The following GALNT10 variants were observed in gnomAD, a reference collection of about 807,000 sequenced individuals.
GALNT10 encodes the protein GalNAc transferase 10.
Under a neutral mutation model 75.0 loss-of-function variants are expected in GALNT10, and 41 were observed. The observed-to-expected ratio is 0.55, with a 90% CI of 0.43 to 0.71. The LOEUF is 0.71. Among genes scored for constraint, GALNT10 ranks in the 30% least tolerant of loss-of-function variants. The pLI is 0.00. For missense variants in GALNT10, 727 were observed against 818.5 expected (o/e 0.89, Z 1.36); for synonymous variants, 302 against 313.0 (o/e 0.96, Z 0.37).
chr5:154,259,329 C>T (rs1581943447), intron 1 of GALNT10, among the ~76,000 whole-genome samples: 1 of 152,144 alleles, frequency 6.6e-6, no homozygotes, highest in East Asian at 1.9e-4. Flanking sequence ...GCAAGAATAA[C>T]ACAGAAGTGA....
chr5:154,218,202 A>G (rs1581923225), intron 1 of GALNT10: 2 of 854,832 alleles, frequency 2.3e-6, no homozygotes, highest in Middle Eastern at 5.9e-4. Context: ...TCCCCACCTC[A>G]TGGGTCCCTC....
chr5:154,368,244 A>G (rs897187925), intron 4 of GALNT10, among the ~76,000 whole-genome samples: 1 of 152,224 alleles, frequency 6.6e-6, no homozygotes, highest in Non-Finnish European at 1.5e-5. Context: ...AAAGGAATGT[A>G]CCCAGCATAG....
At chr5:154,394,656 T>C (rs1755979621) in intron 7 of GALNT10, among the ~76,000 whole-genome samples, 1 of 151,910 alleles carries the variant, frequency 6.6e-6, no homozygotes, top group Admixed American at 6.6e-5. Flanking sequence ...CTGAGAGGGG[T>C]TAAGTTGCCA....
chr5:154,373,771 G>A (rs1378549842), intron 4 of GALNT10, among the ~76,000 whole-genome samples: 1 of 152,184 alleles, frequency 6.6e-6, no homozygotes. Flanking sequence ...AAGGACAAGA[G>A]AAGCATAATT....
At chr5:154,356,054 G>A (rs898356551) in intron 4 of GALNT10, 1 of 447,806 alleles carries the variant, frequency 2.2e-6, no homozygotes, top group African/African-American at 2.0e-5. Context: ...CTCTGTTTTG[G>A]TATTTAGAAT....
chr5:154,271,332 G>C (rs641093), intron 1 of GALNT10, among the ~76,000 whole-genome samples: 9,720 of 152,118 alleles, frequency 0.064, 839 homozygotes, highest in African/African-American at 0.2. Context: ...CCAGCGTGGT[G>C]GCGGGTGCCT....
chr5:154,285,432 C>T (rs1169471250), intron 1 of GALNT10, among the ~76,000 whole-genome samples: 2 of 152,156 alleles, frequency 1.3e-5, no homozygotes, highest in Non-Finnish European at 2.9e-5. Context: ...ATGACACAGA[C>T]ACCAGGCTAG....
intron 1 of GALNT10, among the ~76,000 whole-genome samples, chr5:154,239,570 C>T (rs79016175): frequency 0.015 from 2,258 of 152,338 alleles, 54 homozygotes; most frequent in African/African-American, 0.051. Flanking sequence ...CCCCGGACCC[C>T]GGTCCCCATC....
intron 1 of GALNT10, among the ~76,000 whole-genome samples, chr5:154,271,206 C>T (rs1753860692): frequency 6.6e-6 from 1 of 151,920 alleles, no homozygotes; most frequent in Admixed American, 6.6e-5. Flanking sequence ...GAGCCAAAGC[C>T]CTGTAATCCC....
At chr5:154,341,240 A>G (rs1755028327) in intron 4 of GALNT10, among the ~76,000 whole-genome samples, 1 of 152,224 alleles carries the variant, frequency 6.6e-6, no homozygotes, top group Non-Finnish European at 1.5e-5. Flanking sequence ...TTCGCCTAAA[A>G]GACAAAAATG....
Position 154,386,371 on chromosome 5 carries a change from G to C in GALNT10, c.997G>C (p.Gly333Arg). Reference protein sequence around the residue: ...AVDRKWFWELGGYDPGLEIWG... With the variant: ...AVDRKWFWELRGYDPGLEIWG... The stretch of plus-strand genomic sequence containing the variant: ...GGATCGGAAGTGGTTCTGGGAACTC[G>C]GCGGGTATGACCCAGGCTTGGAGAT... Residue 333 changes from glycine (G) to arginine (R), a missense_variant, in exon 7 of 12, where the codon GGC (glycine) becomes CGC (arginine). Gly to Arg is a moderately radical substitution (Grantham distance 125). Transcript: ENST00000297107. 1 of 1,614,076 alleles carries C rather than the reference G, an allele frequency of 6.2e-7. No individual in the cohort carries two copies. The highest frequency in any genetic ancestry group is 8.5e-7 in the Non-Finnish European group (1 of 1,179,978).
chr5:154,343,917 T>G (rs925944608), intron 4 of GALNT10, among the ~76,000 whole-genome samples: 3 of 152,218 alleles, frequency 2.0e-5, no homozygotes, highest in Non-Finnish European at 4.4e-5. Context: ...GTTCCTTTAG[T>G]TCAGAATACT....
intron 1 of GALNT10, among the ~76,000 whole-genome samples, chr5:154,227,513 T>C (rs1479295238): frequency 1.3e-5 from 2 of 152,248 alleles, no homozygotes; most frequent in Non-Finnish European, 2.9e-5. Flanking sequence ...TGTTGGTTTC[T>C]TATTACTGAA....
intron 6 of GALNT10, among the ~76,000 whole-genome samples, chr5:154,381,897 T>C (rs1755740562): frequency 1.3e-5 from 2 of 152,242 alleles, no homozygotes; most frequent in South Asian, 2.1e-4. Context: ...ATTAATGATA[T>C]GTGATTCCAT....
chr5:154,331,896 C>T (rs1754872384), intron 4 of GALNT10, among the ~76,000 whole-genome samples: 1 of 152,164 alleles, frequency 6.6e-6, no homozygotes, highest in Non-Finnish European at 1.5e-5. Flanking sequence ...CATATATTCT[C>T]TCATTTATTC....
At chr5:154,276,114 T>C (rs1255903247) in intron 1 of GALNT10, among the ~76,000 whole-genome samples, 1 of 152,138 alleles carries the variant, frequency 6.6e-6, no homozygotes, top group African/African-American at 2.4e-5. Flanking sequence ...AGGTCATGAG[T>C]CTAACTAAGC....
chr5:154,331,350 G>A (rs1257322767), intron 4 of GALNT10, among the ~76,000 whole-genome samples: 1 of 152,156 alleles, frequency 6.6e-6, no homozygotes, highest in Non-Finnish European at 1.5e-5. Context: ...TGGTGGGGGT[G>A]TGCCTTCCTC....
At chr5:154,372,935 C>T (rs1163578041) in intron 4 of GALNT10, among the ~76,000 whole-genome samples, 7 of 152,144 alleles carry the variant, frequency 4.6e-5, no homozygotes, top group African/African-American at 1.7e-4. Flanking sequence ...CAGAATCAGC[C>T]TCGGTGTCTA....
intron 2 of GALNT10, among the ~76,000 whole-genome samples, chr5:154,297,682 G>C (rs939491692): frequency 1.3e-5 from 2 of 152,184 alleles, no homozygotes; most frequent in Non-Finnish European, 2.9e-5. Flanking sequence ...CTCAGTCTCA[G>C]ATTATCATTC....
Sources: gnomAD v4.1 joint callset for allele counts (sites outside exome capture counted in the v4.1 genomes callset) on GRCh38, gnomAD v4.1.1 for gene constraint, MANE v1.5 for transcripts, NCBI Gene and HGNC (gene_info 2026-07-23, HGNC 2026-07-21) for gene names.